The following ROBO1 variants were observed in gnomAD, a reference collection of about 807,000 sequenced individuals.
ROBO1 encodes roundabout guidance receptor 1, also known as roundabout homolog 1.
Under a neutral mutation model 195.9 loss-of-function variants are expected in ROBO1, and 149 were observed. That is an observed-to-expected ratio of 0.76 (90% CI 0.67 to 0.87). The LOEUF is 0.87. Ranked by LOEUF, ROBO1 falls within the 40% of genes least tolerant of loss-of-function variation. ROBO1 has a pLI of 0.00. For synonymous variants in ROBO1, 816 were observed against 733.2 expected (o/e 1.11, Z -1.82); for missense variants, 1,933 against 2,068.3 (o/e 0.93, Z 1.27).
chr3:79,222,663 T>A (rs1163509113), intron 2 of ROBO1, among the ~76,000 whole-genome samples: 1 of 152,004 alleles, frequency 6.6e-6, no homozygotes, highest in Non-Finnish European at 1.5e-5. Context: ...ATTTGTTTAT[T>A]ATCAACATAA....
At chr3:78,991,734 T>C (rs889198726) in intron 3 of ROBO1, among the ~76,000 whole-genome samples, 4 of 152,116 alleles carry the variant, frequency 2.6e-5, no homozygotes, top group East Asian at 1.9e-4. Flanking sequence ...ACAGAGGACT[T>C]TGATTAACGA....
At chr3:79,175,310 CTTTAT>C (rs1262123603) in intron 2 of ROBO1, among the ~76,000 whole-genome samples, 2 of 152,046 alleles carry the variant, frequency 1.3e-5, no homozygotes, top group Admixed American at 1.3e-4. Flanking sequence ...GTTACTTTTA[CTTTAT>C]TTTATTTTTT....
At chr3:79,330,808 T>C (rs899898604) in intron 2 of ROBO1, among the ~76,000 whole-genome samples, 1 of 151,610 alleles carries the variant, frequency 6.6e-6, no homozygotes, top group Non-Finnish European at 1.5e-5. Context: ...AGTTTGAAAC[T>C]CAGGCTTCTA....
chr3:79,168,157 T>C (rs1162448700), intron 2 of ROBO1, among the ~76,000 whole-genome samples: 3 of 152,142 alleles, frequency 2.0e-5, no homozygotes, highest in Non-Finnish European at 4.4e-5. Context: ...GGCACAACCC[T>C]ATCGGCCTGT....
At chr3:79,390,882 T>A (rs1178721325) in intron 2 of ROBO1, among the ~76,000 whole-genome samples, 1 of 152,094 alleles carries the variant, frequency 6.6e-6, no homozygotes, top group East Asian at 1.9e-4. Context: ...GCACGGTAAC[T>A]GAACAGCTGT....
intron 5 of ROBO1, among the ~76,000 whole-genome samples, chr3:78,736,748 C>T (rs150120540): frequency 0.015 from 2,256 of 152,244 alleles, 22 homozygotes; most frequent in Middle Eastern, 0.048. Flanking sequence ...TTACTGCAAT[C>T]CTTTCAAAAG....
chr3:79,502,246 G>A (rs1014466396), intron 2 of ROBO1, among the ~76,000 whole-genome samples: 1 of 152,212 alleles, frequency 6.6e-6, no homozygotes, highest in Non-Finnish European at 1.5e-5. Flanking sequence ...AGCTTGCGGG[G>A]AGGTGTGGAG....
intron 8 of ROBO1, 141 bp downstream of exon 8, chr3:78,714,256 T>C: frequency 2.5e-6 from 2 of 795,980 alleles, no homozygotes; most frequent in Non-Finnish European, 3.6e-6. Flanking sequence ...ATGTGTTCTT[T>C]AAATATGTTT....
At chr3:79,339,698 C>T (rs2034828567) in intron 2 of ROBO1, among the ~76,000 whole-genome samples, 1 of 152,192 alleles carries the variant, frequency 6.6e-6, no homozygotes, top group South Asian at 2.1e-4. Context: ...TCCATCTTAT[C>T]CCACTAAGCA....
intron 4 of ROBO1, among the ~76,000 whole-genome samples, chr3:78,757,089 G>A (rs1444196478): frequency 1.3e-5 from 2 of 151,920 alleles, no homozygotes; most frequent in Admixed American, 6.6e-5. Context: ...ACAGGGTTTC[G>A]CAATGTTGGC....
chr3:79,401,861 C>A (rs2037379795), intron 2 of ROBO1, among the ~76,000 whole-genome samples: 1 of 151,736 alleles, frequency 6.6e-6, no homozygotes, highest in Admixed American at 6.6e-5. Flanking sequence ...TGAAATTTCT[C>A]TAGGTTTCTT....
chr3:79,014,352 A>G (rs898654101), intron 3 of ROBO1, among the ~76,000 whole-genome samples: 2 of 152,194 alleles, frequency 1.3e-5, no homozygotes, highest in African/African-American at 4.8e-5. Flanking sequence ...GGGCATCTGC[A>G]ATTTCAGCTA....
At chr3:79,202,013 T>A (rs1469680163) in intron 2 of ROBO1, among the ~76,000 whole-genome samples, 1 of 151,816 alleles carries the variant, frequency 6.6e-6, no homozygotes, top group Admixed American at 6.6e-5. Context: ...GCCTGATAAC[T>A]CTTATTTGCC....
intron 4 of ROBO1, among the ~76,000 whole-genome samples, chr3:78,890,016 C>A (rs428550): frequency 6.6e-6 from 1 of 152,078 alleles, no homozygotes; most frequent in African/African-American, 2.4e-5. Flanking sequence ...ACTGCACTCC[C>A]TATGCCCTCT....
At chr3:78,721,857 T>A (rs2108113632) in intron 5 of ROBO1, among the ~76,000 whole-genome samples, 1 of 152,270 alleles carries the variant, frequency 6.6e-6, no homozygotes, top group South Asian at 2.1e-4. Flanking sequence ...CAATTAACAT[T>A]ATATATTACA....
intron 4 of ROBO1, among the ~76,000 whole-genome samples, chr3:78,830,401 G>A (rs998598650): frequency 2.6e-5 from 4 of 152,132 alleles, no homozygotes; most frequent in South Asian, 2.1e-4. Flanking sequence ...CTGTTCTCAC[G>A]CTGCTAATAG....
intron 2 of ROBO1, among the ~76,000 whole-genome samples, chr3:79,445,854 G>A (rs1303304064): frequency 2.0e-5 from 3 of 152,062 alleles, no homozygotes; most frequent in East Asian, 1.9e-4. Context: ...GTGTTTCACC[G>A]TGTTAGCCAG....
chr3:78,704,336 G>A (rs187608597), intron 8 of ROBO1, among the ~76,000 whole-genome samples: 1 of 151,830 alleles, frequency 6.6e-6, no homozygotes, highest in African/African-American at 2.4e-5. Flanking sequence ...GCTATCATAC[G>A]AGCTCCAAAA....
chr3:79,473,219 C>A (rs1185754462), intron 2 of ROBO1, among the ~76,000 whole-genome samples: 1 of 152,028 alleles, frequency 6.6e-6, no homozygotes, highest in Non-Finnish European at 1.5e-5. Context: ...GAGACACAGG[C>A]ATGTGACAGA....
Sources: gnomAD v4.1 joint callset for allele counts (sites outside exome capture counted in the v4.1 genomes callset) on GRCh38, gnomAD v4.1.1 for gene constraint, MANE v1.5 for transcripts, NCBI Gene and HGNC (gene_info 2026-07-23, HGNC 2026-07-21) for gene names.